Variants in PLGRKT observed in about 807,000 individuals in gnomAD.
PLGRKT encodes plasminogen receptor with a C-terminal lysine.
Under a neutral mutation model 18.5 loss-of-function variants are expected in PLGRKT, and 22 were observed. The observed-to-expected ratio is 1.19, with a 90% CI of 0.85 to 1.70. The LOEUF (loss-of-function observed/expected upper bound fraction) is 1.70, where lower values mean the gene tolerates loss of function less well. PLGRKT is among the 40% of genes most tolerant of loss of function. The probability of loss-of-function intolerance (pLI) is 0.00; values close to 1 mark genes in which losing one functional copy is unlikely to be tolerated. For missense variants in PLGRKT, 235 were observed against 174.4 expected (o/e 1.35, Z -1.96); for synonymous variants, 72 against 52.8 (o/e 1.36, Z -1.58).
intron 3 of PLGRKT, among the ~76,000 whole-genome samples, chr9:5,405,858 A>G (rs936863756): frequency 6.6e-6 from 1 of 152,202 alleles, no homozygotes; most frequent in Admixed American, 6.5e-5. Context: ...CAATCTATCC[A>G]TCTGACAAAG....
intron 3 of PLGRKT, among the ~76,000 whole-genome samples, chr9:5,373,984 C>T (rs1817579163): frequency 6.6e-6 from 1 of 152,116 alleles, no homozygotes; most frequent in African/African-American, 2.4e-5. Flanking sequence ...TGTTCACTTT[C>T]CCCCAGAATG....
At chr9:5,387,481 C>G (rs1817866093) in intron 3 of PLGRKT, among the ~76,000 whole-genome samples, 1 of 151,860 alleles carries the variant, frequency 6.6e-6, no homozygotes, top group South Asian at 2.1e-4. Flanking sequence ...TAATGTATTA[C>G]TTCTACAAGC....
At chr9:5,390,294 C>T (rs1817925129) in intron 3 of PLGRKT, among the ~76,000 whole-genome samples, 1 of 151,052 alleles carries the variant, frequency 6.6e-6, no homozygotes, top group South Asian at 2.1e-4. Context: ...CCTGAAAAAC[C>T]ACAAAACTGC....
intron 3 of PLGRKT, among the ~76,000 whole-genome samples, chr9:5,364,057 A>C (rs1817327518): frequency 6.6e-6 from 1 of 152,222 alleles, no homozygotes; most frequent in Non-Finnish European, 1.5e-5. Context: ...AAAAGGCAGC[A>C]AACAAGAAAT....
intron 5 of PLGRKT, among the ~76,000 whole-genome samples, chr9:5,360,119 T>G (rs1817230094): frequency 6.6e-6 from 1 of 152,206 alleles, no homozygotes; most frequent in Non-Finnish European, 1.5e-5. Flanking sequence ...TCAAGACAAA[T>G]GTTGGAACTT....
chr9:5,400,430 T>A (rs1380404511), intron 3 of PLGRKT, among the ~76,000 whole-genome samples: 1 of 151,916 alleles, frequency 6.6e-6, no homozygotes, highest in African/African-American at 2.4e-5. Context: ...CCAAATGACA[T>A]AATCCTATTA....
intron 3 of PLGRKT, among the ~76,000 whole-genome samples, chr9:5,406,464 A>G (rs778067319): frequency 1.1e-4 from 16 of 152,214 alleles, no homozygotes; most frequent in Non-Finnish European, 1.8e-4. Context: ...TTGCAGGGCA[A>G]TGGATGAAGC....
intron 3 of PLGRKT, among the ~76,000 whole-genome samples, chr9:5,373,720 C>G (rs1416020932): frequency 3.3e-5 from 5 of 152,010 alleles, no homozygotes; most frequent in Non-Finnish European, 7.4e-5. Flanking sequence ...ACCACTTGAG[C>G]CTGGCATGTC....
intron 3 of PLGRKT, among the ~76,000 whole-genome samples, chr9:5,368,293 G>A (rs550046878): frequency 5.3e-5 from 8 of 152,236 alleles, no homozygotes; most frequent in South Asian, 2.1e-4. Context: ...TATTTTCATC[G>A]CAGCACTATT....
chr9:5,416,909 A>G (rs1260468747), intron 3 of PLGRKT, among the ~76,000 whole-genome samples: 2 of 152,260 alleles, frequency 1.3e-5, no homozygotes. Flanking sequence ...GGACATCAGA[A>G]TATAGGAAAT....
At chr9:5,362,957 T>C (rs1817299436) in intron 3 of PLGRKT, among the ~76,000 whole-genome samples, 1 of 152,014 alleles carries the variant, frequency 6.6e-6, no homozygotes, top group Admixed American at 6.6e-5. Context: ...AGGGCAGACC[T>C]TGCAGAGAGC....
intron 3 of PLGRKT, among the ~76,000 whole-genome samples, chr9:5,427,191 G>C (rs1405992169): frequency 1.3e-5 from 2 of 152,086 alleles, no homozygotes; most frequent in African/African-American, 4.8e-5. Flanking sequence ...TCATCCCCTT[G>C]TCTAGTGTAG....
At chr9:5,413,934 G>C (rs1818411414) in intron 3 of PLGRKT, among the ~76,000 whole-genome samples, 1 of 152,114 alleles carries the variant, frequency 6.6e-6, no homozygotes, top group African/African-American at 2.4e-5. Context: ...AAAATGCAAA[G>C]TAAACAATGT....
At chr9:5,388,077 A>C (rs1216890099) in intron 3 of PLGRKT, among the ~76,000 whole-genome samples, 3 of 151,944 alleles carry the variant, frequency 2.0e-5, no homozygotes, top group Non-Finnish European at 4.4e-5. Flanking sequence ...TGAAGGCATC[A>C]GTTATGCGGG....
chr9:5,418,011 C>T lies in PLGRKT; in HGVS notation c.81+13886G>A, dbSNP rs958398483. Among the ~76,000 whole-genome samples, 4 of 152,048 alleles carry T rather than the reference C, an allele frequency of 2.6e-5. No individual in the cohort carries two copies. The highest frequency in any genetic ancestry group is 2.6e-4 in the Admixed American group (4 of 15,256). On this transcript the variant is annotated intron_variant, in intron 3 of 5. Coordinates refer to ENST00000223864, the MANE Select transcript of PLGRKT (RefSeq NM_018465.4). The surrounding 1 kb of genome is among the most constrained non-coding windows in gnomAD (Gnocchi z 4.2). ...ATCTTTGTTTTAATCTAACGGATTTCGAGAAGATCACATTGTACGCACTTG... is the reference window on the plus strand; with the variant it reads ...ATCTTTGTTTTAATCTAACGGATTTTGAGAAGATCACATTGTACGCACTTG...
At chr9:5,424,695 CACA>C (rs140612554) in intron 3 of PLGRKT, among the ~76,000 whole-genome samples, 28,805 of 116,552 alleles carry the variant, frequency 0.25, 3,811 homozygotes, top group Middle Eastern at 0.29. Flanking sequence ...TATATATACA[CACA>C]GGGGGGGGAG....
At chr9:5,399,945 G>A (rs967653910) in intron 3 of PLGRKT, among the ~76,000 whole-genome samples, 3 of 151,588 alleles carry the variant, frequency 2.0e-5, no homozygotes, top group Non-Finnish European at 4.4e-5. Flanking sequence ...AGCCAAGATC[G>A]CACCACTGCA....
chr9:5,422,621 G>C (rs920478440), intron 3 of PLGRKT, among the ~76,000 whole-genome samples: 1 of 152,200 alleles, frequency 6.6e-6, no homozygotes, highest in African/African-American at 2.4e-5. Flanking sequence ...AACTGTAAAA[G>C]ACACTTGTGA....
chr9:5,436,719 C>A (rs1036443728), intron 1 of PLGRKT, 25 bp from the exon 2 acceptor site: 1 of 152,206 alleles, frequency 6.6e-6, no homozygotes, highest in African/African-American at 2.4e-5. Context: ...ATGCATCACA[C>A]CTTGTAAATT....
Sources: allele counts gnomAD v4.1 joint callset (sites outside exome capture counted in the v4.1 genomes callset), GRCh38; gene constraint gnomAD v4.1.1; non-coding constraint Gnocchi (gnomAD v3.1); transcripts MANE v1.5; gene names NCBI Gene and HGNC (gene_info 2026-07-23, HGNC 2026-07-21).